Variants in CNTNAP2 observed in about 807,000 individuals in gnomAD.
CNTNAP2 encodes contactin associated protein 2.
CNTNAP2 carries 98 observed loss-of-function variants against 155.2 expected under a neutral mutation model. The observed-to-expected ratio is 0.63, with a 90% CI of 0.54 to 0.75. The LOEUF is 0.75. CNTNAP2 is among the 30% of genes least tolerant of loss of function. The pLI is 0.00. For synonymous variants in CNTNAP2, 651 were observed against 631.2 expected (o/e 1.03, Z -0.47); for missense variants, 1,727 against 1,688.1 (o/e 1.02, Z -0.40).
chr7:147,471,023 A>G (rs891194663), intron 10 of CNTNAP2, among the ~76,000 whole-genome samples: 4 of 152,178 alleles, frequency 2.6e-5, no homozygotes, highest in East Asian at 1.9e-4. Flanking sequence ...GAAATTTGCA[A>G]GCCAACTGAA....
intron 22 of CNTNAP2, among the ~76,000 whole-genome samples, chr7:148,406,003 C>T (rs1799695560): frequency 6.6e-6 from 1 of 152,014 alleles, no homozygotes; most frequent in Non-Finnish European, 1.5e-5. Context: ...GAGGCCAAGA[C>T]CGGCAGATCA....
At chr7:147,748,826 A>C (rs2116499449) in intron 13 of CNTNAP2, among the ~76,000 whole-genome samples, 1 of 152,280 alleles carries the variant, frequency 6.6e-6, no homozygotes, top group Non-Finnish European at 1.5e-5. Flanking sequence ...CCTGATGAGA[A>C]GTTCTACTAG....
intron 1 of CNTNAP2, among the ~76,000 whole-genome samples, chr7:146,393,572 A>G (rs2129106926): frequency 6.6e-6 from 1 of 152,200 alleles, no homozygotes; most frequent in East Asian, 1.9e-4. Flanking sequence ...TCCTTTGGGA[A>G]TTCTCTAATG....
intron 1 of CNTNAP2, among the ~76,000 whole-genome samples, chr7:146,398,480 C>T (rs1795666846): frequency 6.6e-6 from 1 of 152,084 alleles, no homozygotes; most frequent in South Asian, 2.1e-4. Context: ...CTGGGTCCCT[C>T]CCACAACATG....
chr7:146,561,695 ACCT>A (rs1193374262), intron 1 of CNTNAP2, among the ~76,000 whole-genome samples: 1 of 151,920 alleles, frequency 6.6e-6, no homozygotes, highest in Non-Finnish European at 1.5e-5. Flanking sequence ...AATCACAATG[ACCT>A]CCTCCTCCAC....
intron 20 of CNTNAP2, among the ~76,000 whole-genome samples, chr7:148,264,756 G>A (rs181468928): frequency 9.6e-4 from 146 of 151,960 alleles, no homozygotes; most frequent in Middle Eastern, 3.4e-3. Flanking sequence ...GTGCAGTGGC[G>A]CGATCTCGGC....
At chr7:146,158,201 C>G (rs1798158575) in intron 1 of CNTNAP2, among the ~76,000 whole-genome samples, 1 of 152,184 alleles carries the variant, frequency 6.6e-6, no homozygotes, top group South Asian at 2.1e-4. Flanking sequence ...AAGTAACAAA[C>G]AGAAAGGACA....
chr7:146,840,264 T>C (rs1401566897), intron 3 of CNTNAP2, among the ~76,000 whole-genome samples: 1 of 152,156 alleles, frequency 6.6e-6, no homozygotes, highest in African/African-American at 2.4e-5. Flanking sequence ...ATATTGAAAT[T>C]ATGAAGAATA....
chr7:148,139,216 T>A (rs978575611), intron 16 of CNTNAP2, among the ~76,000 whole-genome samples: 1 of 152,238 alleles, frequency 6.6e-6, no homozygotes, highest in African/African-American at 2.4e-5. Context: ...TTCAAATAAA[T>A]TTTTCTTGCC....
At chr7:148,356,442 G>A (rs1034973032) in intron 21 of CNTNAP2, among the ~76,000 whole-genome samples, 5 of 152,168 alleles carry the variant, frequency 3.3e-5, no homozygotes, top group Admixed American at 2.0e-4. Flanking sequence ...GAGTGTCGTC[G>A]TCAAAACGAA....
chr7:146,466,158 T>C (rs987752443), intron 1 of CNTNAP2, among the ~76,000 whole-genome samples: 4 of 152,196 alleles, frequency 2.6e-5, no homozygotes, highest in African/African-American at 9.7e-5. Context: ...AAAGAAGCGA[T>C]TCTTGAATAC....
At chr7:146,502,353 G>A (rs905730651) in intron 1 of CNTNAP2, among the ~76,000 whole-genome samples, 1 of 150,568 alleles carries the variant, frequency 6.6e-6, no homozygotes. Context: ...GAACACAGGA[G>A]TTCAGGTATC....
At chr7:146,511,532 T>C (rs995444197) in intron 1 of CNTNAP2, among the ~76,000 whole-genome samples, 1 of 152,216 alleles carries the variant, frequency 6.6e-6, no homozygotes, top group African/African-American at 2.4e-5. Flanking sequence ...TTAGCATCTA[T>C]GGAAATAAAC....
intron 3 of CNTNAP2, among the ~76,000 whole-genome samples, chr7:146,996,480 G>T (rs377343347): frequency 7.9e-5 from 12 of 152,106 alleles, no homozygotes; most frequent in African/African-American, 2.2e-4. Context: ...TCAAAAAGGA[G>T]ATTATTTTCT....
intron 2 of CNTNAP2, among the ~76,000 whole-genome samples, chr7:146,831,266 T>G (rs1412503854): frequency 6.6e-6 from 1 of 152,118 alleles, no homozygotes; most frequent in Non-Finnish European, 1.5e-5. Context: ...TGGTTTTTAG[T>G]TTTTGACTAT....
chr7:147,754,267 T>A (rs10274907), intron 13 of CNTNAP2, among the ~76,000 whole-genome samples: 151,276 of 152,336 alleles, frequency 0.99, 75,121 homozygotes, highest in Middle Eastern at 1. Context: ...ACTAGACACT[T>A]TTGGAAGCTG....
intron 3 of CNTNAP2, among the ~76,000 whole-genome samples, chr7:146,883,049 C>T (rs1795585454): frequency 6.6e-6 from 1 of 152,110 alleles, no homozygotes; most frequent in Admixed American, 6.6e-5. Flanking sequence ...TCACTTTTTG[C>T]AGAATAGGTT....
At chr7:146,370,210 T>A (rs924836717) in intron 1 of CNTNAP2, among the ~76,000 whole-genome samples, 3 of 141,448 alleles carry the variant, frequency 2.1e-5, no homozygotes, top group Non-Finnish European at 4.5e-5. Context: ...TCACTTGAGG[T>A]CAGGAGTTCA....
intron 8 of CNTNAP2, among the ~76,000 whole-genome samples, chr7:147,160,415 T>C (rs1013967157): frequency 6.6e-6 from 1 of 152,092 alleles, no homozygotes; most frequent in Non-Finnish European, 1.5e-5. Flanking sequence ...ATTGCAGAAG[T>C]TTTATCCAGA....
Sources: allele counts gnomAD v4.1 joint callset (sites outside exome capture counted in the v4.1 genomes callset), GRCh38; gene constraint gnomAD v4.1.1; transcripts MANE v1.5; gene names NCBI Gene and HGNC (gene_info 2026-07-23, HGNC 2026-07-21).